CSMD1: variants seen among roughly 807,000 people sequenced by gnomAD.
The protein encoded by CSMD1 is CUB and Sushi multiple domains 1, also known as CUB and sushi domain-containing protein 1.
A neutral mutation model predicts 417.5 loss-of-function variants in CSMD1; 213 were observed. The ratio of observed to expected loss-of-function variants is 0.51; its 90% CI spans 0.46 to 0.57. The LOEUF is 0.57. CSMD1 is among the 20% of genes least tolerant of loss of function. The pLI, the probability that CSMD1 is intolerant of heterozygous loss-of-function variation, is 0.00. For synonymous variants in CSMD1, 2,862 were observed against 1,736.8 expected, an observed-to-expected ratio of 1.65 and a Z score of -16.11; for missense variants, 6,923 against 4,529.7, an observed-to-expected ratio of 1.53 and a Z score of -15.17.
intron 3 of CSMD1, among the ~76,000 whole-genome samples, chr8:4,325,655 A>C (rs1028290912): frequency 6.6e-6 from 1 of 152,138 alleles, no homozygotes; most frequent in African/African-American, 2.4e-5. Context: ...ATTACACAAC[A>C]ACCATCATGC....
chr8:3,263,163 A>G lies in CSMD1; in HGVS notation c.4153+20981T>C, dbSNP rs149475526. ...GTCCAGGCTGGAGTGCAGTGGCATGATCGCAGCTCACTGCAACCCCTGCCT... is the reference window on the plus strand; with the variant it reads ...GTCCAGGCTGGAGTGCAGTGGCATGGTCGCAGCTCACTGCAACCCCTGCCT... On this transcript the variant is annotated intron_variant, in intron 26 of 69. Coordinates refer to ENST00000635120, the MANE Select transcript of CSMD1 (RefSeq NM_033225.6). Among the ~76,000 whole-genome samples the G allele has an allele frequency of 7.3e-3, 1,107 of 152,272 alleles. 13 individuals are homozygous for G. The highest frequency in any genetic ancestry group is 0.025 in the African/African-American group (1,038 of 41,546).
intron 11 of CSMD1, among the ~76,000 whole-genome samples, chr8:3,492,573 G>A (rs907670319): frequency 2.6e-5 from 4 of 152,200 alleles, no homozygotes; most frequent in African/African-American, 9.6e-5. Context: ...TAAAAACAGA[G>A]AGGAAGTACA....
At chr8:3,011,492 C>A (rs956352598) in intron 52 of CSMD1, among the ~76,000 whole-genome samples, 37 of 152,154 alleles carry the variant, frequency 2.4e-4, no homozygotes, top group African/African-American at 8.2e-4. Flanking sequence ...TAACTACAGT[C>A]TAAAAACAGT....
intron 10 of CSMD1, among the ~76,000 whole-genome samples, chr8:3,516,498 C>G (rs1797288034): frequency 6.6e-6 from 1 of 152,300 alleles, no homozygotes; most frequent in South Asian, 2.1e-4. Flanking sequence ...GCTGTAGTAT[C>G]TATGCTACTC....
chr8:4,948,221 G>C (rs575097766), intron 1 of CSMD1, among the ~76,000 whole-genome samples: 93 of 152,044 alleles, frequency 6.1e-4, no homozygotes, highest in African/African-American at 2.0e-3. Context: ...GAGTTTAGTA[G>C]GTATCAAATA....
intron 3 of CSMD1, among the ~76,000 whole-genome samples, chr8:4,112,940 C>T (rs191786806): frequency 3.3e-5 from 5 of 152,298 alleles, no homozygotes; most frequent in African/African-American, 7.2e-5. Context: ...TCACTTCATC[C>T]TTTTGCGTTA....
chr8:3,010,284 G>C, intron 52 of CSMD1, among the ~76,000 whole-genome samples: 1 of 152,332 alleles, frequency 6.6e-6, no homozygotes, highest in Non-Finnish European at 1.5e-5. Context: ...TGTTTTAGAT[G>C]TAGCAGGTGG....
intron 6 of CSMD1, among the ~76,000 whole-genome samples, chr8:3,738,290 G>C (rs1276213715): frequency 6.6e-6 from 1 of 152,170 alleles, no homozygotes; most frequent in Non-Finnish European, 1.5e-5. Context: ...AGGAAGAGAA[G>C]TCTTAGATAT....
chr8:4,948,434 TTTG>T lies in CSMD1; in HGVS notation c.85+45895_85+45897del, dbSNP rs1808511947. Among the ~76,000 whole-genome samples, 6 of 150,690 alleles carry T rather than the reference TTTG, an allele frequency of 4.0e-5. No homozygotes were observed. In the South Asian group the frequency reaches 8.7e-4, roughly 22 times the overall value. ...ATTGGGCATATCTATCTATTCCTGA[TTTG>T]TTCTTTCTATTTCTTTCTTATCCAG... On this transcript the variant is annotated intron_variant, in intron 1 of 69. Coordinates refer to ENST00000635120, the MANE Select transcript of CSMD1 (RefSeq NM_033225.6).
chr8:4,925,621 A>G (rs562857721), intron 1 of CSMD1, among the ~76,000 whole-genome samples: 1 of 149,032 alleles, frequency 6.7e-6, no homozygotes, highest in Non-Finnish European at 1.5e-5. Context: ...GTCTCGGCTC[A>G]CTGCAAGCTC....
chr8:3,889,024 T>G (rs1829861), intron 5 of CSMD1, among the ~76,000 whole-genome samples: 4 of 151,442 alleles, frequency 2.6e-5, no homozygotes, highest in African/African-American at 4.8e-5. Flanking sequence ...ATTACCATAA[T>G]TGCCATTTCA....
intron 5 of CSMD1, among the ~76,000 whole-genome samples, chr8:3,955,883 G>T (rs569132409): frequency 6.6e-6 from 1 of 152,198 alleles, no homozygotes; most frequent in Non-Finnish European, 1.5e-5. Flanking sequence ...GCAATGGCAC[G>T]ATCTCGGCTC....
intron 5 of CSMD1, among the ~76,000 whole-genome samples, chr8:3,996,447 T>TG (rs1436479384): frequency 4.6e-5 from 7 of 150,544 alleles, no homozygotes; most frequent in Non-Finnish European, 1.0e-4. Flanking sequence ...TTTTAAGATT[T>TG]TTTTTTTAGC....
At chr8:3,189,059 G>A (rs763944968) in intron 34 of CSMD1, 48 bp from the exon 35 acceptor site, 25 of 1,563,558 alleles carry the variant, frequency 1.6e-5, no homozygotes, top group Non-Finnish European at 2.0e-5. Context: ...GTGGGACAGT[G>A]TTGATTTGGC....
intron 57 of CSMD1, among the ~76,000 whole-genome samples, chr8:2,972,519 C>A (rs1421614647): frequency 1.3e-5 from 2 of 152,168 alleles, no homozygotes; most frequent in African/African-American, 4.8e-5. Flanking sequence ...CTTGAGGCTA[C>A]ATTTCTGATA....
intron 10 of CSMD1, among the ~76,000 whole-genome samples, chr8:3,556,825 C>T (rs1034555681): frequency 2.6e-5 from 4 of 151,998 alleles, no homozygotes; most frequent in African/African-American, 9.7e-5. Flanking sequence ...TGCCCCTCTC[C>T]CTTCACTGCC....
At position 3,606,871 on chromosome 8, in the gene CSMD1, C is replaced by T. The variant is rs186782597; in HGVS notation, c.1097+9839G>A. ...GACTACAGGCACCTGCCACCACGCC[C>T]GGCAAATTTTTTTGTATTTTTGTAG... On this transcript the variant is annotated intron_variant, in intron 8 of 69. Coordinates refer to ENST00000635120, the MANE Select transcript of CSMD1 (RefSeq NM_033225.6). 2.2e-4 allele frequency among the ~76,000 whole-genome samples: 34 copies of T among 151,912 alleles called. No individual in the cohort carries two copies. The East Asian group carries it at 2.7e-3, about 12-fold the overall frequency.
intron 8 of CSMD1, among the ~76,000 whole-genome samples, chr8:3,591,544 AATGG>A (rs1440779618): frequency 6.6e-6 from 1 of 152,190 alleles, no homozygotes; most frequent in Non-Finnish European, 1.5e-5. Flanking sequence ...CAAAACAGGA[AATGG>A]GTTGACTTAG....
chr8:3,088,741 C>G (rs1814714072), intron 48 of CSMD1, among the ~76,000 whole-genome samples: 1 of 148,736 alleles, frequency 6.7e-6, no homozygotes, highest in African/African-American at 2.5e-5. Flanking sequence ...ATTTCTAGAC[C>G]AAATTCTTCT....
Sources: gnomAD v4.1 joint callset for allele counts (sites outside exome capture counted in the v4.1 genomes callset) on GRCh38, gnomAD v4.1.1 for gene constraint, MANE v1.5 for transcripts, NCBI Gene and HGNC (gene_info 2026-07-23, HGNC 2026-07-21) for gene names.